ATP7B: variants seen among roughly 807,000 people sequenced by gnomAD.
The protein encoded by ATP7B is ATPase copper transporting beta.
ATP7B carries 113 observed loss-of-function variants against 118.9 expected under a neutral mutation model. The observed-to-expected ratio is 0.95, with a 90% CI of 0.82 to 1.11. The LOEUF (loss-of-function observed/expected upper bound fraction) is 1.11. Among genes scored for constraint, ATP7B ranks in the 50% most tolerant of loss-of-function variants. The probability of loss-of-function intolerance (pLI) is 0.00; values close to 1 mark genes in which losing one functional copy is unlikely to be tolerated. For synonymous variants in ATP7B, 777 were observed against 727.4 expected (o/e 1.07, Z -1.10); for missense variants, 1,867 against 1,871.4 (o/e 1.00, Z 0.04).
At chr13:51,967,582 C>T (rs1399825421) in intron 4 of ATP7B, among the ~76,000 whole-genome samples, 2 of 152,222 alleles carry the variant, frequency 1.3e-5, no homozygotes, top group African/African-American at 4.8e-5. Flanking sequence ...CAGGGAGGCC[C>T]TACCACAGCA....
chr13:51,942,331 G>A lies in ATP7B; in HGVS notation c.3412+55C>T, dbSNP rs182086845. On this transcript the variant is annotated intron_variant, in intron 15 of 20. Transcript: ENST00000242839. The stretch of plus-strand genomic sequence containing the variant: ...ATCACTGCTGGGCGTGGTGCTCTCT[G>A]TGGTTTGACCCACCTCTACTTTTAA... The A allele has an allele frequency of 6.1e-3, 9,859 of 1,609,462 alleles. 44 individuals carry two copies. The highest frequency in any genetic ancestry group is 7.5e-3 in the Non-Finnish European group (8,812 of 1,179,426).
chr13:51,942,981 G>A (rs1187552077), intron 14 of ATP7B, among the ~76,000 whole-genome samples: 1 of 152,180 alleles, frequency 6.6e-6, no homozygotes, highest in Non-Finnish European at 1.5e-5. Context: ...AATAAGTAGT[G>A]TTAACAAAGC....
chr13:51,998,181 T>A (rs1181450923), intron 1 of ATP7B, among the ~76,000 whole-genome samples: 1 of 152,094 alleles, frequency 6.6e-6, no homozygotes, highest in Non-Finnish European at 1.5e-5. Flanking sequence ...AACATCAGGG[T>A]GCCAGCAGGT....
intron 1 of ATP7B, among the ~76,000 whole-genome samples, chr13:52,005,514 C>T (rs921567567): frequency 5.3e-5 from 8 of 152,212 alleles, no homozygotes; most frequent in African/African-American, 1.9e-4. Flanking sequence ...TTCCTCATTT[C>T]TGTCTAAGAC....
intron 9 of ATP7B, 45 bp downstream of exon 9, chr13:51,957,471 A>T (rs1415126185): frequency 6.4e-7 from 1 of 1,569,106 alleles, no homozygotes; most frequent in East Asian, 2.2e-5. Context: ...GCTCACACAG[A>T]TTGATAGATA....
intron 1 of ATP7B, among the ~76,000 whole-genome samples, chr13:51,992,286 T>C (rs1952954844): frequency 6.6e-6 from 1 of 152,240 alleles, no homozygotes; most frequent in Non-Finnish European, 1.5e-5. Flanking sequence ...AGTTTTCCAA[T>C]ACTTTCAAAA....
chr13:51,982,239 T>C (rs1356112893), intron 1 of ATP7B, among the ~76,000 whole-genome samples: 1 of 152,098 alleles, frequency 6.6e-6, no homozygotes, highest in East Asian at 1.9e-4. Context: ...GTAAATTGCT[T>C]TATAGTTCAA....
Position 51,970,660 on chromosome 13 carries a change from C to A in ATP7B, c.1375G>T (p.Val459Leu), listed in dbSNP as rs183044693. 4.1e-4 allele frequency: 656 copies of A among 1,614,180 alleles called. 2 individuals carry two copies. The highest frequency in any genetic ancestry group is 2.9e-5 in the Non-Finnish European group (34 of 1,180,020). ...GGGAGCCTCCCAGTGTGGGGAGCCA[C>A]TTCCTGCACAGATGTAGGTGTACCA... ...TDGTPTSVQE[V>L]APHTGRLPAN... Residue 459 changes from valine to leucine, a missense_variant, in exon 3 of 21, where the codon GTG (valine) becomes TTG (leucine). Val to Leu is a conservative substitution (Grantham distance 32). Coordinates refer to ENST00000242839, the MANE Select transcript of ATP7B (RefSeq NM_000053.4).
rs1555283916 is a variant in ATP7B at position 51,937,579 on chromosome 13, T to G, written c.3800A>C (p.Asp1267Ala). 1 of 1,614,192 alleles carries G rather than the reference T, an allele frequency of 6.2e-7. No homozygotes were observed. The highest frequency in any genetic ancestry group is 2.2e-5 in the East Asian group (1 of 44,882). Reference sequence around the variant, plus strand: ...CAAGGCCGGGGAGTCATTGACCCCATCCCCCACCATGGCGACTTTCTTCCC... The same window carrying G: ...CAAGGCCGGGGAGTCATTGACCCCAGCCCCCACCATGGCGACTTTCTTCCC... ...NKGKKVAMVG[D>A]GVNDSPALAQ... Residue 1267 changes from aspartate to alanine, a missense_variant, in exon 18 of 21, where the codon GAT becomes GCT. By Grantham distance (126) the Asp-to-Ala change is moderately radical. Coordinates refer to ENST00000242839, the MANE Select transcript of ATP7B (RefSeq NM_000053.4).
At chr13:51,951,259 G>A (rs1416865901) in intron 9 of ATP7B, among the ~76,000 whole-genome samples, 2 of 152,070 alleles carry the variant, frequency 1.3e-5, no homozygotes, top group Non-Finnish European at 2.9e-5. Flanking sequence ...TGAGGGTAAA[G>A]AAAGGAATCA....
At chr13:51,975,494 C>T in intron 1 of ATP7B, 1 of 538,766 alleles carries the variant, frequency 1.9e-6, no homozygotes, top group South Asian at 1.4e-5. Context: ...TGGCCTGCAG[C>T]AGAGGCAGAG....
At position 51,968,625 on chromosome 13, in the gene ATP7B, T is replaced by A; in HGVS notation, c.1544-18A>T. On this transcript the variant is annotated intron_variant, in intron 3 of 20. Transcript: ENST00000242839. ...GAGAACACCTGGAACCATCAGGTCA[T>A]GGCTGTAACACTCTGGGTGGGCAGG... is the stretch of plus-strand genomic sequence containing the variant. 6.2e-7 allele frequency: 1 copy of A among 1,613,852 alleles called. No homozygotes were observed. The highest frequency in any genetic ancestry group is 1.3e-5 in the African/African-American group (1 of 75,020).
intron 4 of ATP7B, among the ~76,000 whole-genome samples, chr13:51,967,722 C>T (rs1951634764): frequency 6.6e-6 from 1 of 152,244 alleles, no homozygotes; most frequent in Non-Finnish European, 1.5e-5. Context: ...TAGAAACCCT[C>T]TGGCCTGGGT....
At chr13:51,938,228 T>C (rs1957090507) in intron 17 of ATP7B, among the ~76,000 whole-genome samples, 1 of 152,140 alleles carries the variant, frequency 6.6e-6, no homozygotes, top group African/African-American at 2.4e-5. Context: ...CCTGGGAAGG[T>C]GCAGTTTTCC....
At chr13:51,995,090 G>A (rs1210226906) in intron 1 of ATP7B, among the ~76,000 whole-genome samples, 1 of 152,086 alleles carries the variant, frequency 6.6e-6, no homozygotes. Flanking sequence ...TTGCTTCATA[G>A]AGTCTTACAA....
intron 9 of ATP7B, 59 bp from the exon 10 acceptor site, chr13:51,950,458 C>A: frequency 6.2e-7 from 1 of 1,608,978 alleles, no homozygotes; most frequent in South Asian, 1.1e-5. Context: ...GGGTCAGGTT[C>A]TAGGCCAGCT....
chr13:51,944,709 A>G (rs1957542306), intron 13 of ATP7B, among the ~76,000 whole-genome samples: 1 of 152,214 alleles, frequency 6.6e-6, no homozygotes, highest in South Asian at 2.1e-4. Context: ...GCCTAAGTGC[A>G]AAAGCTACTG....
chr13:51,941,282 A>T, intron 15 of ATP7B, 58 bp from the exon 16 acceptor site: 2 of 1,596,068 alleles, frequency 1.3e-6, no homozygotes, highest in Non-Finnish European at 1.7e-6. Flanking sequence ...TGAACTAAAA[A>T]CCATGCAATC....
chr13:51,999,890 C>T (rs1035506325), intron 1 of ATP7B, among the ~76,000 whole-genome samples: 4 of 152,134 alleles, frequency 2.6e-5, no homozygotes, highest in Admixed American at 6.5e-5. Context: ...TCCCCAGTGC[C>T]CACCCCCATA....
Sources: allele counts gnomAD v4.1 joint callset (sites outside exome capture counted in the v4.1 genomes callset), GRCh38; gene constraint gnomAD v4.1.1; transcripts MANE v1.5; gene names NCBI Gene and HGNC (gene_info 2026-07-23, HGNC 2026-07-21).